The following PDE4D variants were observed in gnomAD, a reference collection of about 807,000 sequenced individuals.
PDE4D encodes the protein 3',5'-cyclic-AMP phosphodiesterase 4D.
In PDE4D, 24 loss-of-function variants were observed where a neutral mutation model predicts 87.4. The ratio of observed to expected loss-of-function variants is 0.27; its 90% CI spans 0.20 to 0.39. The LOEUF is 0.39. Ranked by LOEUF, PDE4D falls within the 10% of genes least tolerant of loss-of-function variation. The pLI is 1.00. For missense variants in PDE4D, 714 were observed against 1,041.0 expected, an observed-to-expected ratio of 0.69 and a Z score of 4.32; for synonymous variants, 384 against 383.2, an observed-to-expected ratio of 1.00 and a Z score of -0.02.
intron 1 of PDE4D, among the ~76,000 whole-genome samples, chr5:59,730,592 T>C (rs1757235882): frequency 6.6e-6 from 1 of 152,148 alleles, no homozygotes; most frequent in Non-Finnish European, 1.5e-5. Context: ...GGACTATCAA[T>C]CAGTTTCCTC....
intron 1 of PDE4D, among the ~76,000 whole-genome samples, chr5:59,859,656 C>G (rs1273820737): frequency 6.6e-6 from 1 of 152,110 alleles, no homozygotes; most frequent in Non-Finnish European, 1.5e-5. Flanking sequence ...GAAATTGACT[C>G]CTTTTGTGAG....
intron 2 of PDE4D, among the ~76,000 whole-genome samples, chr5:60,143,738 A>G (rs1367481678): frequency 6.6e-6 from 1 of 152,002 alleles, no homozygotes; most frequent in African/African-American, 2.4e-5. Flanking sequence ...AGCAATAAGA[A>G]AATTTATTGA....
intron 1 of PDE4D, among the ~76,000 whole-genome samples, chr5:59,531,709 T>C (rs1814254386): frequency 6.6e-6 from 1 of 152,212 alleles, no homozygotes; most frequent in Non-Finnish European, 1.5e-5. Flanking sequence ...ACCCTTTTTC[T>C]GTTATCACAT....
chr5:59,776,545 T>C (rs1359258500), intron 1 of PDE4D, among the ~76,000 whole-genome samples: 1 of 152,208 alleles, frequency 6.6e-6, no homozygotes, highest in Non-Finnish European at 1.5e-5. Flanking sequence ...GATGCTTTTA[T>C]GGCTCTGAAA....
At chr5:60,460,028 A>C (rs1746800664) in intron 1 of PDE4D, 1 of 1,359,082 alleles carries the variant, frequency 7.4e-7, no homozygotes, top group Non-Finnish European at 1.0e-6. Flanking sequence ...TAGTACTGTA[A>C]TGAGTTTGAC....
intron 1 of PDE4D, among the ~76,000 whole-genome samples, chr5:60,310,146 TC>T (rs1458929459): frequency 6.6e-6 from 1 of 152,178 alleles, no homozygotes; most frequent in African/African-American, 2.4e-5. Context: ...GAGACCCTTT[TC>T]CTTCTTCAAA....
At chr5:60,029,074 G>GT (rs1180458046) in intron 2 of PDE4D, among the ~76,000 whole-genome samples, 1 of 152,140 alleles carries the variant, frequency 6.6e-6, no homozygotes, top group Non-Finnish European at 1.5e-5. Context: ...TTTTTGTTTT[G>GT]TTTTTGTTAT....
intron 1 of PDE4D, among the ~76,000 whole-genome samples, chr5:59,319,893 G>A (rs1041533852): frequency 1.3e-5 from 2 of 152,106 alleles, no homozygotes; most frequent in Non-Finnish European, 2.9e-5. Context: ...GCAGGTGGGA[G>A]GACATCTTCT....
At chr5:60,292,599 C>T (rs1213757762) in intron 1 of PDE4D, among the ~76,000 whole-genome samples, 2 of 152,176 alleles carry the variant, frequency 1.3e-5, no homozygotes, top group Non-Finnish European at 2.9e-5. Flanking sequence ...ATCAAACATT[C>T]ATAACTTTTG....
chr5:60,345,582 T>A (rs1758686919), intron 1 of PDE4D, among the ~76,000 whole-genome samples: 1 of 149,600 alleles, frequency 6.7e-6, no homozygotes, highest in African/African-American at 2.5e-5. Flanking sequence ...AAAAAAAAAA[T>A]TAACATTATA....
At chr5:59,468,954 C>G (rs909161431) in intron 1 of PDE4D, among the ~76,000 whole-genome samples, 4 of 152,090 alleles carry the variant, frequency 2.6e-5, no homozygotes, top group African/African-American at 9.7e-5. Flanking sequence ...ACTATGAGGC[C>G]TCCTGCAATA....
At chr5:59,543,675 T>C (rs1048011222) in intron 1 of PDE4D, among the ~76,000 whole-genome samples, 9 of 152,154 alleles carry the variant, frequency 5.9e-5, no homozygotes, top group African/African-American at 2.2e-4. Flanking sequence ...AGTCAATGTG[T>C]CTCCTGGCTG....
intron 1 of PDE4D, among the ~76,000 whole-genome samples, chr5:59,669,417 T>C (rs948515373): frequency 4.6e-5 from 7 of 152,140 alleles, no homozygotes; most frequent in African/African-American, 1.7e-4. Flanking sequence ...CGGCCTTAGT[T>C]CCCTCTATTC....
At chr5:60,030,680 A>T (rs1455437910) in intron 2 of PDE4D, among the ~76,000 whole-genome samples, 1 of 152,268 alleles carries the variant, frequency 6.6e-6, no homozygotes, top group African/African-American at 2.4e-5. Context: ...AACATGGCAT[A>T]AAATTCAATG....
At chr5:60,493,583 ATCATTCAT>A (rs56333350) in intron 1 of PDE4D, among the ~76,000 whole-genome samples, 32,772 of 149,510 alleles carry the variant, frequency 0.22, 3,901 homozygotes, top group South Asian at 0.39. Context: ...TCTATACACA[ATCATTCAT>A]TCATTCATTC....
intron 5 of PDE4D, among the ~76,000 whole-genome samples, chr5:59,061,358 A>G (rs905874309): frequency 2.0e-5 from 3 of 152,146 alleles, no homozygotes; most frequent in African/African-American, 7.2e-5. Flanking sequence ...TGTAAGCTCT[A>G]TGAGGTTACG....
At chr5:59,387,560 T>A (rs1582306953) in intron 1 of PDE4D, among the ~76,000 whole-genome samples, 1 of 152,166 alleles carries the variant, frequency 6.6e-6, no homozygotes, top group East Asian at 1.9e-4. Flanking sequence ...ATAGTTAGGG[T>A]GGCGTATGGT....
At chr5:60,084,707 G>A (rs749355688) in intron 2 of PDE4D, among the ~76,000 whole-genome samples, 4 of 152,180 alleles carry the variant, frequency 2.6e-5, no homozygotes, top group Non-Finnish European at 5.9e-5. Flanking sequence ...TTAAGTAACT[G>A]TTAATCCTGC....
chr5:59,468,262 A>C (rs1165032971), intron 1 of PDE4D, among the ~76,000 whole-genome samples: 2 of 151,428 alleles, frequency 1.3e-5, no homozygotes, highest in Non-Finnish European at 2.9e-5. Context: ...CTCCAAAAAG[A>C]GAGGGGTGTT....
Sources: gnomAD v4.1 joint callset for allele counts (sites outside exome capture counted in the v4.1 genomes callset) on GRCh38, gnomAD v4.1.1 for gene constraint, MANE v1.5 for transcripts, NCBI Gene and HGNC (gene_info 2026-07-23, HGNC 2026-07-21) for gene names.